The following TENM2 variants were observed in gnomAD, a reference collection of about 807,000 sequenced individuals.
The protein encoded by TENM2 is teneurin transmembrane protein 2.
TENM2 carries 52 observed loss-of-function variants against 245.2 expected under a neutral mutation model. The ratio of observed to expected loss-of-function variants is 0.21; its 90% CI spans 0.17 to 0.27. The LOEUF is 0.27. TENM2 is among the 10% of genes least tolerant of loss of function. The probability of loss-of-function intolerance (pLI) is 1.00; values close to 1 mark genes in which losing one functional copy is unlikely to be tolerated. For synonymous variants in TENM2, 1,363 were observed against 1,438.9 expected (o/e 0.95, Z 1.19); for missense variants, 3,046 against 3,666.8 (o/e 0.83, Z 4.37).
chr5:167,251,190 C>A, the TENM2 span, among the ~76,000 whole-genome samples: 5 of 152,050 alleles, frequency 3.3e-5, no homozygotes, highest in Non-Finnish European at 7.4e-5. Context: ...TTCCAAGGTC[C>A]AGCTTTGTGT....
intron 12 of TENM2, among the ~76,000 whole-genome samples, chr5:168,134,673 G>C (rs992822881): frequency 1.3e-5 from 2 of 152,098 alleles, no homozygotes; most frequent in African/African-American, 4.8e-5. Context: ...GGCAACAAGA[G>C]TGAAACTCTG....
chr5:168,258,859 TTA>T (rs1767927273), intron 27 of TENM2, among the ~76,000 whole-genome samples: 1 of 152,130 alleles, frequency 6.6e-6, no homozygotes, highest in Admixed American at 6.5e-5. Context: ...ATGGTGAATT[TTA>T]TATGAGTTTT....
At chr5:167,890,575 A>G (rs1283807306) in intron 3 of TENM2, among the ~76,000 whole-genome samples, 4 of 152,144 alleles carry the variant, frequency 2.6e-5, no homozygotes, top group Admixed American at 2.6e-4. Flanking sequence ...ACGTACATAA[A>G]CATTCATAAT....
intron 5 of TENM2, among the ~76,000 whole-genome samples, chr5:168,007,273 C>T (rs991827665): frequency 1.2e-4 from 19 of 152,242 alleles, no homozygotes; most frequent in South Asian, 2.1e-4. Context: ...GGATTACAGG[C>T]GCCCGCCATC....
intron 6 of TENM2, among the ~76,000 whole-genome samples, chr5:168,060,875 TA>T (rs1287640573): frequency 6.6e-6 from 1 of 152,184 alleles, no homozygotes; most frequent in Admixed American, 6.6e-5. Context: ...GGCCAGTCTT[TA>T]GCAATTTTCT....
At chr5:168,215,126 A>G (rs1237009850) in exon 21 of TENM2, 2 of 1,613,860 alleles carry the variant, frequency 1.2e-6, no homozygotes, top group Non-Finnish European at 8.5e-7. Flanking sequence ...AGGAGAATCT[A>G]CCGCGTCAAG....
At chr5:167,587,138 T>C (rs182761494) in intron 2 of TENM2, among the ~76,000 whole-genome samples, 10 of 152,274 alleles carry the variant, frequency 6.6e-5, no homozygotes, top group Admixed American at 5.9e-4. Context: ...GTTAATGCAA[T>C]TCATCTCTTT....
chr5:168,207,792 G>A (rs1465677260), intron 19 of TENM2, among the ~76,000 whole-genome samples: 1 of 152,130 alleles, frequency 6.6e-6, no homozygotes, highest in Non-Finnish European at 1.5e-5. Context: ...CTATTGAAAT[G>A]TTTCCATGGT....
At chr5:167,357,408 G>A (rs981747131) in intron 1 of TENM2, among the ~76,000 whole-genome samples, 8 of 150,072 alleles carry the variant, frequency 5.3e-5, no homozygotes, top group Non-Finnish European at 1.2e-4. Flanking sequence ...TCAGCCTCCC[G>A]AGTAGCTGGG....
intron 3 of TENM2, among the ~76,000 whole-genome samples, chr5:167,912,071 A>G (rs1274533455): frequency 1.3e-5 from 2 of 152,206 alleles, no homozygotes; most frequent in African/African-American, 2.4e-5. Flanking sequence ...ATTAACTATA[A>G]TCACCATGTT....
At chr5:167,620,815 G>T (rs1778117880) in intron 2 of TENM2, among the ~76,000 whole-genome samples, 2 of 151,634 alleles carry the variant, frequency 1.3e-5, no homozygotes, top group Non-Finnish European at 2.9e-5. Flanking sequence ...TTATTTTTTG[G>T]TCTTCCCCAT....
chr5:168,199,750 C>T, intron 16 of TENM2, 114 bp from the exon 19 acceptor site: 2 of 1,137,636 alleles, frequency 1.8e-6, no homozygotes, highest in Non-Finnish European at 1.2e-6. Context: ...GTTCTTGCAC[C>T]CACATAAGAT....
rs146015591 is a variant in TENM2, at chr5:167,423,937, A to G, written c.502+48464A>G. ...TCAACCCCTTAAATGTCCTGCGCTAATGGTAGCTGTCCCAAGTCCCATGTG... is the reference window on the plus strand; with the variant it reads ...TCAACCCCTTAAATGTCCTGCGCTAGTGGTAGCTGTCCCAAGTCCCATGTG... On this transcript the variant is annotated intron_variant, in intron 2 of 28. Transcript: ENST00000518659. 7.7e-4 allele frequency among the ~76,000 whole-genome samples: 117 copies of G among 152,276 alleles called. No homozygotes were observed. In the East Asian group the frequency reaches 0.021, roughly 27 times the overall value.
chr5:167,904,928 T>G (rs1775971931), intron 3 of TENM2, among the ~76,000 whole-genome samples: 3 of 152,224 alleles, frequency 2.0e-5, no homozygotes, highest in Non-Finnish European at 4.4e-5. Flanking sequence ...CTTCTTTCTC[T>G]CAGTTTAATA....
intron 2 of TENM2, among the ~76,000 whole-genome samples, chr5:167,442,040 AAAG>A (rs754470822): frequency 1.3e-5 from 2 of 152,242 alleles, no homozygotes; most frequent in Non-Finnish European, 2.9e-5. Context: ...AAAGAAAAGA[AAAG>A]AAATGCATTC....
At chr5:167,660,639 C>T (rs900096316) in intron 2 of TENM2, among the ~76,000 whole-genome samples, 5 of 151,770 alleles carry the variant, frequency 3.3e-5, no homozygotes, top group African/African-American at 1.2e-4. Context: ...ATGTCTTTAG[C>T]TTTATTTTTT....
At chr5:167,756,013 T>C (rs1399740515) in intron 2 of TENM2, among the ~76,000 whole-genome samples, 1 of 152,198 alleles carries the variant, frequency 6.6e-6, no homozygotes, top group Non-Finnish European at 1.5e-5. Flanking sequence ...ACATCAGCCC[T>C]GTGTGGCAGG....
At chr5:167,449,627 A>T (rs1041339987) in intron 2 of TENM2, among the ~76,000 whole-genome samples, 7 of 152,174 alleles carry the variant, frequency 4.6e-5, no homozygotes, top group African/African-American at 1.7e-4. Context: ...CTAATTTCAC[A>T]TGTATACTGA....
intron 2 of TENM2, among the ~76,000 whole-genome samples, chr5:167,713,809 C>A (rs771533690): frequency 1.3e-5 from 2 of 152,202 alleles, no homozygotes; most frequent in South Asian, 2.1e-4. Context: ...TTCTCTTTAG[C>A]ACCTAAAATT....
Sources: allele counts gnomAD v4.1 joint callset (sites outside exome capture counted in the v4.1 genomes callset), GRCh38; gene constraint gnomAD v4.1.1; transcripts MANE v1.5; gene names NCBI Gene and HGNC (gene_info 2026-07-23, HGNC 2026-07-21).